EXOG: variants seen among roughly 807,000 people sequenced by gnomAD.
The protein encoded by EXOG is nuclease EXOG, mitochondrial.
EXOG carries 27 observed loss-of-function variants against 25.8 expected under a neutral mutation model. The observed-to-expected ratio is 1.05, with a 90% CI of 0.77 to 1.45. The LOEUF (loss-of-function observed/expected upper bound fraction) is 1.45, where lower values mean the gene tolerates loss of function less well. Among genes scored for constraint, EXOG ranks in the 40% most tolerant of loss-of-function variants. EXOG has a pLI of 0.00. For missense variants in EXOG, 458 were observed against 450.5 expected, an observed-to-expected ratio of 1.02 and a Z score of -0.15; for synonymous variants, 133 against 167.0, an observed-to-expected ratio of 0.80 and a Z score of 1.57.
At chr3:38,523,264 T>C (rs943776304) in intron 5 of EXOG, 45 of 1,288,140 alleles carry the variant, frequency 3.5e-5, no homozygotes, top group Non-Finnish European at 4.1e-5. Flanking sequence ...TGACAGCTTT[T>C]CTTGTCTATT....
Position 38,523,951 on chromosome 3 carries a change from C to A in EXOG, c.696C>A (p.Ile232=), listed in dbSNP as rs370620963. 1.2e-6 allele frequency: 2 copies of A among 1,603,322 alleles called. No homozygotes were observed. Among genetic ancestry groups the A allele is most frequent in the Non-Finnish European group, 1.7e-6 (2 of 1,174,452 alleles). Residue 232 remains isoleucine, a synonymous_variant, in exon 6 of 6, where the codon ATC becomes ATA. Transcript: ENST00000287675. Reference sequence around the variant, plus strand: ...TCCCCTCACACCTTTATAAGGTAATCCTGGCCCGCAGAAGCTCAGTATCTA... The same window carrying A: ...TCCCCTCACACCTTTATAAGGTAATACTGGCCCGCAGAAGCTCAGTATCTA... The part of the protein sequence containing the change: ...VAVPSHLYKV[I]LARRSSVSTE...
At chr3:38,508,960 A>T (rs2060288178) in intron 5 of EXOG, among the ~76,000 whole-genome samples, 1 of 152,194 alleles carries the variant, frequency 6.6e-6, no homozygotes, top group Non-Finnish European at 1.5e-5. Context: ...TCCAGTAGAT[A>T]TGGGAGTGAA....
intron 1 of EXOG, chr3:38,496,852 T>C (rs1225723161): frequency 7.6e-7 from 1 of 1,315,288 alleles, no homozygotes. Context: ...GATTGTTAGC[T>C]CCATAAGACT....
intron 5 of EXOG, among the ~76,000 whole-genome samples, chr3:38,513,007 G>T (rs1298335705): frequency 6.6e-6 from 1 of 152,068 alleles, no homozygotes; most frequent in Non-Finnish European, 1.5e-5. Context: ...TCACTATGTT[G>T]CCCCAGCTGG....
At position 38,512,797 on chromosome 3, in the gene EXOG, A is replaced by T. The variant is rs186962191; in HGVS notation, c.645+5829A>T. On this transcript the variant is annotated intron_variant, in intron 5 of 5. Coordinates refer to ENST00000287675, the MANE Select transcript of EXOG (RefSeq NM_005107.4). ...TGGCTCACATGGTATATATATATATATTTTTAAGTTTTTCATAGAGATAGG... is the reference window on the plus strand; with the variant it reads ...TGGCTCACATGGTATATATATATATTTTTTTAAGTTTTTCATAGAGATAGG... Among the ~76,000 whole-genome samples, 96 of 152,120 alleles carry T rather than the reference A, an allele frequency of 6.3e-4. 2 individuals are homozygous for T. The highest frequency in any genetic ancestry group is 1.6e-3 in the Admixed American group (25 of 15,270).
At chr3:38,514,878 C>T (rs1485194531) in intron 5 of EXOG, among the ~76,000 whole-genome samples, 7 of 145,584 alleles carry the variant, frequency 4.8e-5, no homozygotes, top group Non-Finnish European at 3.0e-5. Context: ...TCAAGCAATT[C>T]TTCTGCCTCA....
At chr3:38,496,642 C>T (rs566563609) in intron 1 of EXOG, 112 bp downstream of exon 1, 2 of 1,485,384 alleles carry the variant, frequency 1.3e-6, no homozygotes, top group Admixed American at 2.3e-5. Flanking sequence ...TGCTGGGCCC[C>T]TAGCCTGGCC....
intron 2 of EXOG, chr3:38,499,747 G>A (rs927629678): frequency 3.4e-5 from 15 of 438,820 alleles, no homozygotes; most frequent in Non-Finnish European, 5.4e-5. Flanking sequence ...TGGGATTACA[G>A]GTATGTGCCA....
Position 38,525,724 on chromosome 3 carries a change from C to G in EXOG, c.*1362C>G. ...TTGGGAAATCGAGGTGGGTGGATCG[C>G]TTGAGCCCAGGAGTTTGAGACCAGC... On this transcript the variant is annotated 3_prime_UTR_variant, in exon 6 of 6. Transcript: ENST00000287675. The G allele has an allele frequency of 1.3e-6, 1 of 745,424 alleles. No individual in the cohort carries two copies. Among genetic ancestry groups the G allele is most frequent in the South Asian group, 6.0e-5 (1 of 16,536 alleles). The allele number at this position is 745,424 out of a possible 1,614,324, so 46.2% of individuals were successfully genotyped here.
intron 5 of EXOG, 111 bp from the exon 6 acceptor site, chr3:38,523,790 G>T: frequency 1.5e-6 from 1 of 672,580 alleles, no homozygotes; most frequent in East Asian, 2.6e-5. Context: ...AGAACAGAGT[G>T]GGATGGCTTA....
chr3:38,511,217 T>C (rs2060359712), intron 5 of EXOG, among the ~76,000 whole-genome samples: 1 of 152,218 alleles, frequency 6.6e-6, no homozygotes, highest in African/African-American at 2.4e-5. Flanking sequence ...TTATTAATTC[T>C]CTTTTTTTAA....
At chr3:38,518,740 A>AG (rs2060621046) in intron 5 of EXOG, among the ~76,000 whole-genome samples, 1 of 152,224 alleles carries the variant, frequency 6.6e-6, no homozygotes, top group Non-Finnish European at 1.5e-5. Flanking sequence ...CAGGTATACC[A>AG]GGCAGTATGT....
At chr3:38,500,261 G>A (rs990406672) in intron 2 of EXOG, 1 of 152,592 alleles carries the variant, frequency 6.6e-6, no homozygotes, top group Non-Finnish European at 1.5e-5. Context: ...GGTTTAATAC[G>A]GTTCTCCACT....
rs1184622856 is a variant in EXOG, at chr3:38,505,944, C to T, written c.531-910C>T. On this transcript the variant is annotated intron_variant, in intron 4 of 5. Transcript: ENST00000287675. ...CTGGGTGACAGAGTGAGTGAGACTC[C>T]GTCTCAAAAGAAAAAAAAAAAAAAC... Among the ~76,000 whole-genome samples, 7 of 143,028 alleles carry T rather than the reference C, an allele frequency of 4.9e-5. No homozygotes were observed. The East Asian group carries it at 8.2e-4, about 17-fold the overall frequency. The allele number at this position is 143,028 out of a possible 152,430, so 93.8% of individuals were successfully genotyped here. A position where few individuals can be genotyped will look rare whatever the true frequency, so the allele number is the denominator to read the frequency against.
chr3:38,526,009 T>C lies in EXOG; in HGVS notation c.*1647T>C. 1 of 985,436 alleles carries C rather than the reference T, an allele frequency of 1.0e-6. No individual in the cohort carries two copies. The highest frequency in any genetic ancestry group is 1.7e-5 in the African/African-American group (1 of 57,356). 61.0% of individuals were successfully genotyped at this position (985,436 alleles called of 1,614,324 possible). On this transcript the variant is annotated 3_prime_UTR_variant, in exon 6 of 6. Coordinates refer to ENST00000287675, the MANE Select transcript of EXOG (RefSeq NM_005107.4). The stretch of plus-strand genomic sequence containing the variant: ...TCACTAGCTTATTATTTGCTTCCTG[T>C]GTGCCTGCTTGTCTACCTAGCATAG...
chr3:38,508,673 G>C (rs1407900563), intron 5 of EXOG, among the ~76,000 whole-genome samples: 1 of 149,238 alleles, frequency 6.7e-6, no homozygotes, highest in Non-Finnish European at 1.5e-5. Flanking sequence ...TTAAGTCTGT[G>C]ATAAAATTTA....
At chr3:38,502,042 C>T (rs1038115301) in intron 3 of EXOG, among the ~76,000 whole-genome samples, 3 of 152,156 alleles carry the variant, frequency 2.0e-5, no homozygotes, top group African/African-American at 7.2e-5. Context: ...CCTGCCTCAG[C>T]CTCCCGAGTA....
In EXOG at chr3:38,497,156, G is replaced by T. The variant is rs538382824; in HGVS notation, c.164-473G>T. On this transcript the variant is annotated intron_variant, in intron 1 of 5. Coordinates refer to ENST00000287675, the MANE Select transcript of EXOG (RefSeq NM_005107.4). Reference sequence around the variant, plus strand: ...ATTTAACTTGCTCCTTTGGATACTTGGCATCTAGCAAGAGAACTACCCCCT... The same window carrying T: ...ATTTAACTTGCTCCTTTGGATACTTTGCATCTAGCAAGAGAACTACCCCCT... The T allele has an allele frequency of 8.1e-5, 81 of 1,001,614 alleles. 2 individuals carry two copies. In the South Asian group the frequency reaches 3.2e-3, roughly 39 times the overall value. The allele number at this position is 1,001,614 out of a possible 1,614,324, so 62.0% of individuals were successfully genotyped here.
chr3:38,496,948 A>G, intron 1 of EXOG: 1 of 1,130,648 alleles, frequency 8.8e-7, no homozygotes, highest in Non-Finnish European at 1.1e-6. Flanking sequence ...GAATGAAGGA[A>G]TAAATTAATA....
Sources: gnomAD v4.1 joint callset for allele counts (sites outside exome capture counted in the v4.1 genomes callset) on GRCh38, gnomAD v4.1.1 for gene constraint, MANE v1.5 for transcripts, NCBI Gene and HGNC (gene_info 2026-07-23, HGNC 2026-07-21) for gene names.